CD36: variants seen among roughly 807,000 people sequenced by gnomAD.
The protein encoded by CD36 is CD36 molecule (CD36 blood group), also known as platelet glycoprotein 4.
CD36 carries 119 observed loss-of-function variants against 55.2 expected under a neutral mutation model. That is an observed-to-expected ratio of 2.15 (90% CI 1.86 to 2.51). The LOEUF (loss-of-function observed/expected upper bound fraction) is 2.51. CD36 is among the 30% of genes most tolerant of loss of function. The pLI is 0.00. For missense variants in CD36, 819 were observed against 555.5 expected (o/e 1.47, Z -4.77); for synonymous variants, 186 against 193.6 (o/e 0.96, Z 0.33).
intron 8 of CD36, among the ~76,000 whole-genome samples, chr7:80,669,210 T>C (rs1362264482): frequency 6.6e-6 from 1 of 152,154 alleles, no homozygotes; most frequent in African/African-American, 2.4e-5. Flanking sequence ...TGTTTAAGTT[T>C]CTTTTATTTT....
intron 1 of CD36, among the ~76,000 whole-genome samples, chr7:80,629,961 TAGAA>T (rs1222511362): frequency 5.3e-5 from 8 of 151,968 alleles, no homozygotes; most frequent in African/African-American, 1.4e-4. Flanking sequence ...TCAAAAGACT[TAGAA>T]AGAAAACCAC....
chr7:80,612,024 T>C (rs1345867461), intron 1 of CD36, among the ~76,000 whole-genome samples: 1 of 152,216 alleles, frequency 6.6e-6, no homozygotes, highest in Non-Finnish European at 1.5e-5. Flanking sequence ...GGCCAAGCAG[T>C]GAGTGCTGGG....
At chr7:80,658,759 G>A (rs142711213) in intron 4 of CD36, among the ~76,000 whole-genome samples, 1 of 152,160 alleles carries the variant, frequency 6.6e-6, no homozygotes, top group African/African-American at 2.4e-5. Context: ...GCCTCGCAAA[G>A]TGTTGGGATT....
chr7:80,674,609 G>T, intron 14 of CD36, among the ~76,000 whole-genome samples: 1 of 152,150 alleles, frequency 6.6e-6, no homozygotes, highest in South Asian at 2.1e-4. Flanking sequence ...GGGGAAAATA[G>T]TGTTCAACAT....
chr7:80,614,827 T>C (rs1159046116), intron 1 of CD36, among the ~76,000 whole-genome samples: 2 of 152,154 alleles, frequency 1.3e-5, no homozygotes, highest in Non-Finnish European at 2.9e-5. Flanking sequence ...TATACTGTAT[T>C]TGTCGCTTCA....
At chr7:80,655,597 A>G (rs777928607) in intron 3 of CD36, among the ~76,000 whole-genome samples, 7 of 152,172 alleles carry the variant, frequency 4.6e-5, no homozygotes, top group South Asian at 2.1e-4. Context: ...CTACAACCCA[A>G]TAATGATGAG....
intron 1 of CD36, among the ~76,000 whole-genome samples, chr7:80,613,952 A>G (rs973388301): frequency 6.6e-6 from 1 of 152,222 alleles, no homozygotes; most frequent in Non-Finnish European, 1.5e-5. Flanking sequence ...TTGTAATAAT[A>G]CTATCTGAAA....
At chr7:80,662,698 A>G (rs1796643991) in intron 5 of CD36, 2 of 387,112 alleles carry the variant, frequency 5.2e-6, no homozygotes, top group African/African-American at 2.1e-5. Context: ...CTAGGTTTTA[A>G]GCCCCGTATG....
intron 13 of CD36, 120 bp downstream of exon 13, chr7:80,673,529 T>A (rs1797939144): frequency 1.4e-6 from 1 of 726,132 alleles, no homozygotes; most frequent in Admixed American, 2.0e-5. Flanking sequence ...CCCATATGGA[T>A]GAGTATACAT....
At chr7:80,655,443 C>G (rs770518025) in intron 3 of CD36, among the ~76,000 whole-genome samples, 1 of 152,142 alleles carries the variant, frequency 6.6e-6, no homozygotes, top group African/African-American at 2.4e-5. Flanking sequence ...AGCAAGGAAT[C>G]GAGTTCCTAA....
At chr7:80,615,565 C>T (rs576803321) in intron 1 of CD36, among the ~76,000 whole-genome samples, 1 of 152,268 alleles carries the variant, frequency 6.6e-6, no homozygotes, top group South Asian at 2.1e-4. Flanking sequence ...AATCTATCTC[C>T]TATCAACAAA....
chr7:80,634,522 T>C (rs1365161301), upstream of CD36, among the ~76,000 whole-genome samples: 2 of 152,112 alleles, frequency 1.3e-5, no homozygotes, highest in African/African-American at 4.8e-5. Flanking sequence ...GGTTATCCCA[T>C]TTAACAAGAA....
At chr7:80,619,434 G>A (rs775298677) in intron 1 of CD36, among the ~76,000 whole-genome samples, 9 of 151,964 alleles carry the variant, frequency 5.9e-5, no homozygotes, top group Non-Finnish European at 1.3e-4. Context: ...GTCACTTAAG[G>A]TCAGGAGTTT....
At position 80,673,993 on chromosome 7, in the gene CD36, T is replaced by C. The variant is rs367954954; in HGVS notation, c.1265T>C (p.Ile422Thr). 6 of 1,611,416 alleles carry C rather than the reference T, an allele frequency of 3.7e-6. No homozygotes were observed. The highest frequency in any genetic ancestry group is 1.7e-5 in the Admixed American group (1 of 59,874). Residue 422 changes from isoleucine (I) to threonine (T), a missense_variant, in exon 14 of 15, where the codon ATT becomes ACT. Physicochemically the swap from Ile to Thr is moderately conservative, Grantham distance 89. Transcript: ENST00000447544. ...PILWLNETGT[I>T]GDEKANMFRS... ...TTAACTTGATTACAGACTGGGACCA[T>C]TGGTGATGAGAAGGCAAACATGTTC...
At chr7:80,670,062 C>A (rs762498322) in intron 9 of CD36, 40 bp downstream of exon 9, 5 of 1,233,452 alleles carry the variant, frequency 4.1e-6, no homozygotes, top group Middle Eastern at 1.9e-4. Flanking sequence ...CTGAGTCAGA[C>A]CCCAGGTGAC....
intron 14 of CD36, among the ~76,000 whole-genome samples, chr7:80,675,230 T>C (rs1798111575): frequency 6.6e-6 from 1 of 151,878 alleles, no homozygotes; most frequent in Admixed American, 6.6e-5. Context: ...TTATAAAAAG[T>C]TAAATATTAC....
At chr7:80,632,559 C>T (rs1050849200) in intron 1 of CD36, among the ~76,000 whole-genome samples, 9 of 151,832 alleles carry the variant, frequency 5.9e-5, no homozygotes, top group Non-Finnish European at 8.8e-5. Flanking sequence ...GATTTGCCAG[C>T]GTGGTTTAGT....
intron 3 of CD36, among the ~76,000 whole-genome samples, chr7:80,650,575 ATTAC>A (rs945707143): frequency 1.4e-4 from 22 of 152,134 alleles, no homozygotes; most frequent in African/African-American, 5.3e-4. Context: ...CTCATTTAAT[ATTAC>A]TTTGTTTAGC....
At chr7:80,633,754 A>G (rs927313085), upstream of CD36, among the ~76,000 whole-genome samples, 3 of 152,056 alleles carry the variant, frequency 2.0e-5, no homozygotes, top group African/African-American at 7.2e-5. Context: ...GCCTAAATGT[A>G]TGTATGTATA....
Sources: gnomAD v4.1 joint callset for allele counts (sites outside exome capture counted in the v4.1 genomes callset) on GRCh38, gnomAD v4.1.1 for gene constraint, MANE v1.5 for transcripts, NCBI Gene and HGNC (gene_info 2026-07-23, HGNC 2026-07-21) for gene names.